Variants in FAT3 observed in about 807,000 individuals in gnomAD.
The protein encoded by FAT3 is protocadherin Fat 3.
In FAT3, 95 loss-of-function variants were observed where a neutral mutation model predicts 310.2. The observed-to-expected ratio is 0.31, with a 90% confidence interval of 0.26 to 0.36. FAT3 has a LOEUF of 0.36. Ranked by LOEUF, FAT3 falls within the 10% of genes least tolerant of loss-of-function variation. The pLI is 1.00. For synonymous variants in FAT3, 2,314 were observed against 2,192.9 expected (o/e 1.06, Z -1.54); for missense variants, 5,408 against 5,715.6 (o/e 0.95, Z 1.74).
intron 2 of FAT3, among the ~76,000 whole-genome samples, chr11:92,447,384 G>A (rs1302659657): frequency 6.6e-6 from 1 of 151,260 alleles, no homozygotes; most frequent in Non-Finnish European, 1.5e-5. Context: ...TTTTTTTCCT[G>A]TAAGATGAGA....
intron 2 of FAT3, among the ~76,000 whole-genome samples, chr11:92,452,676 G>A (rs549934861): frequency 2.0e-5 from 3 of 152,212 alleles, no homozygotes; most frequent in Admixed American, 6.5e-5. Flanking sequence ...CTCACTCTTC[G>A]ATAGAAAAGA....
At position 92,733,265 on chromosome 11, in the gene FAT3, G is replaced by T. The variant is rs1291080589; in HGVS notation, c.3670-28591G>T. ...GTAAAACAAGTCTACATTCTGGAAG[G>T]TTTGGGGGAAGACTCAAGTGAACTG... On this transcript the variant is annotated intron_variant, in intron 4 of 27. Coordinates refer to ENST00000525166, the MANE Select transcript of FAT3 (RefSeq NM_001367949.2). 2.6e-5 allele frequency among the ~76,000 whole-genome samples: 4 copies of T among 152,272 alleles called. 1 individual carries two copies. Among genetic ancestry groups the T allele is most frequent in the South Asian group, 4.1e-4 (2 of 4,824 alleles).
At chr11:92,373,261 A>G (rs1175018471) in intron 2 of FAT3, among the ~76,000 whole-genome samples, 1 of 152,120 alleles carries the variant, frequency 6.6e-6, no homozygotes, top group African/African-American at 2.4e-5. Flanking sequence ...AATGTACTTG[A>G]GCTCATTCAT....
intron 2 of FAT3, among the ~76,000 whole-genome samples, chr11:92,517,611 A>C (rs907829523): frequency 6.6e-6 from 1 of 152,236 alleles, no homozygotes; most frequent in Non-Finnish European, 1.5e-5. Flanking sequence ...ACAAAAGCCA[A>C]AATTGACAAA....
intron 19 of FAT3, among the ~76,000 whole-genome samples, chr11:92,853,530 C>G (rs574783099): frequency 2.6e-5 from 4 of 152,246 alleles, no homozygotes; most frequent in African/African-American, 9.6e-5. Context: ...TCCCACCATT[C>G]GTCAGGTCCT....
At chr11:92,604,504 C>CA (rs1233450791) in intron 3 of FAT3, among the ~76,000 whole-genome samples, 2 of 152,170 alleles carry the variant, frequency 1.3e-5, no homozygotes, top group African/African-American at 2.4e-5. Flanking sequence ...TAGGCCAACT[C>CA]ATGCTATCCT....
At chr11:92,588,097 A>G (rs1460390282) in intron 3 of FAT3, among the ~76,000 whole-genome samples, 3 of 151,940 alleles carry the variant, frequency 2.0e-5, no homozygotes, top group Non-Finnish European at 4.4e-5. Flanking sequence ...GGTTGACTGT[A>G]TAGGTCTAAG....
At chr11:92,246,188 G>A (rs1460715723) in intron 1 of FAT3, among the ~76,000 whole-genome samples, 2 of 152,038 alleles carry the variant, frequency 1.3e-5, no homozygotes, top group South Asian at 2.1e-4. Context: ...TAAGAAGTTT[G>A]GCAGTAAAGG....
chr11:92,739,288 C>G (rs1216692932), intron 4 of FAT3, among the ~76,000 whole-genome samples: 2 of 152,066 alleles, frequency 1.3e-5, no homozygotes, highest in Non-Finnish European at 2.9e-5. Context: ...CTCATGCAAT[C>G]TTTTTGTTTT....
intron 2 of FAT3, among the ~76,000 whole-genome samples, chr11:92,436,550 C>T (rs757209984): frequency 1.2e-4 from 19 of 152,118 alleles, no homozygotes; most frequent in African/African-American, 4.6e-4. Flanking sequence ...AGTATCATTC[C>T]AAGGACCTAG....
intron 3 of FAT3, among the ~76,000 whole-genome samples, chr11:92,577,266 G>A (rs553996777): frequency 2.5e-4 from 38 of 151,650 alleles, no homozygotes; most frequent in African/African-American, 8.7e-4. Flanking sequence ...TCGCCAACAT[G>A]CCCCATTAAT....
chr11:92,353,214 A>G lies in FAT3; in HGVS notation c.1102A>G (p.Thr368Ala). 4.3e-6 allele frequency: 7 copies of G among 1,613,794 alleles called. No individual in the cohort carries two copies. Among genetic ancestry groups the G allele is most frequent in the Non-Finnish European group, 5.9e-6 (7 of 1,179,862 alleles). The change falls in exon 2 of 28, where the codon ACA becomes GCA. Residue 368 changes from threonine (T) to alanine (A), a missense_variant. By Grantham distance (58) the Thr-to-Ala change is moderately conservative (BLOSUM62 0). Transcript: ENST00000525166. ...AAAGGCAGTCTACATTGGCAACCCC[A>G]CAAGAGACACTGTCCCCATTAGATT... ...ALKAVYIGNPTRDTVPIRFEK... is the reference protein window; with the variant it reads ...ALKAVYIGNPARDTVPIRFEK...
At chr11:92,275,355 G>A (rs1032334789) in intron 1 of FAT3, among the ~76,000 whole-genome samples, 1 of 151,964 alleles carries the variant, frequency 6.6e-6, no homozygotes, top group Admixed American at 6.6e-5. Context: ...CCAAACTCCT[G>A]TGTCTGGATT....
At chr11:92,706,397 G>A (rs958653923) in intron 4 of FAT3, among the ~76,000 whole-genome samples, 1 of 152,126 alleles carries the variant, frequency 6.6e-6, no homozygotes, top group Non-Finnish European at 1.5e-5. Context: ...CAGAGAAGCA[G>A]CATGTGTGGG....
intron 18 of FAT3, among the ~76,000 whole-genome samples, chr11:92,842,693 G>A (rs1444683980): frequency 6.6e-6 from 1 of 152,140 alleles, no homozygotes; most frequent in Non-Finnish European, 1.5e-5. Context: ...GCAACATAGT[G>A]AGGCCTCATC....
Position 92,710,131 on chromosome 11 carries a change from G to T in FAT3, c.3669+12686G>T, listed in dbSNP as rs143251363. ...GAAAAATGTCAATATTTTAAAAAATGCATAAGTACTCATTAGTAGCCCTCT... is the reference window on the plus strand; with the variant it reads ...GAAAAATGTCAATATTTTAAAAAATTCATAAGTACTCATTAGTAGCCCTCT... On this transcript the variant is annotated intron_variant, in intron 4 of 27. Coordinates refer to ENST00000525166, the MANE Select transcript of FAT3 (RefSeq NM_001367949.2). Among the ~76,000 whole-genome samples the T allele has an allele frequency of 5.4e-3, 821 of 152,248 alleles. 4 individuals carry two copies. Among genetic ancestry groups the T allele is most frequent in the South Asian group, 0.012 (59 of 4,816 alleles).
chr11:92,736,030 G>A (rs1451688650), intron 4 of FAT3, among the ~76,000 whole-genome samples: 2 of 152,134 alleles, frequency 1.3e-5, no homozygotes, highest in Non-Finnish European at 2.9e-5. Context: ...TGGCAAACCT[G>A]TCTGATCCAG....
chr11:92,230,545 C>T lies in FAT3; in HGVS notation c.-18+5371C>T, dbSNP rs555009664. On this transcript the variant is annotated intron_variant, in intron 1 of 27. Coordinates refer to ENST00000525166, the MANE Select transcript of FAT3 (RefSeq NM_001367949.2). ...CTGGCCTCAAGTGATCCACCCACCT[C>T]GGCCTCCCAAAGTGCTCGGATTAGA... Among the ~76,000 whole-genome samples the T allele has an allele frequency of 9.8e-5, 15 of 152,298 alleles. No homozygotes were observed. In the South Asian group the frequency reaches 2.5e-3, roughly 25 times the overall value.
In FAT3 at chr11:92,722,181, A is replaced by G. The variant is rs1944880482; in HGVS notation, c.3669+24736A>G. Among the ~76,000 whole-genome samples the G allele has an allele frequency of 2.6e-5, 4 of 152,336 alleles. 1 individual carries two copies. In the South Asian group the frequency reaches 8.3e-4, roughly 32 times the overall value. The stretch of plus-strand genomic sequence containing the variant: ...CCTATGAGCCTGTAAAATCAAAAAC[A>G]AATTAGTTACTTTCTAGATATAATG... On this transcript the variant is annotated intron_variant, in intron 4 of 27. Transcript: ENST00000525166.
Sources: allele counts gnomAD v4.1 joint callset (sites outside exome capture counted in the v4.1 genomes callset), GRCh38; gene constraint gnomAD v4.1.1; transcripts MANE v1.5; gene names NCBI Gene and HGNC (gene_info 2026-07-23, HGNC 2026-07-21).